Variants in WDR70 observed in about 807,000 individuals in gnomAD.
The protein encoded by WDR70 is WD repeat-containing protein 70.
Under a neutral mutation model 88.6 loss-of-function variants are expected in WDR70, and 53 were observed. That is an observed-to-expected ratio of 0.60 (90% CI 0.48 to 0.75). The LOEUF (loss-of-function observed/expected upper bound fraction) is 0.75. Among genes scored for constraint, WDR70 ranks in the 30% least tolerant of loss-of-function variants. The pLI, the probability that WDR70 is intolerant of heterozygous loss-of-function variation, is 0.00. For missense variants in WDR70, 610 were observed against 823.2 expected (o/e 0.74, Z 3.17); for synonymous variants, 280 against 270.0 (o/e 1.04, Z -0.36).
intron 9 of WDR70, among the ~76,000 whole-genome samples, chr5:37,551,334 A>G (rs964779838): frequency 6.6e-6 from 1 of 151,520 alleles, no homozygotes; most frequent in African/African-American, 2.4e-5. Context: ...AATTACAACA[A>G]CAAAAAAAAC....
At chr5:37,527,187 C>T (rs1741307231) in intron 9 of WDR70, among the ~76,000 whole-genome samples, 1 of 152,118 alleles carries the variant, frequency 6.6e-6, no homozygotes, top group South Asian at 2.1e-4. Flanking sequence ...TAATCCTAAG[C>T]CAAAAGTACA....
intron 13 of WDR70, among the ~76,000 whole-genome samples, chr5:37,708,114 A>G (rs1747411484): frequency 6.7e-6 from 1 of 150,024 alleles, no homozygotes; most frequent in Non-Finnish European, 1.5e-5. Context: ...TTTTTTAAAT[A>G]GTAAAGAACA....
chr5:37,642,263 C>G (rs1231036634), intron 10 of WDR70, among the ~76,000 whole-genome samples: 2 of 152,114 alleles, frequency 1.3e-5, no homozygotes, highest in Non-Finnish European at 2.9e-5. Flanking sequence ...TTTTTTCTTT[C>G]CAAATGCTTA....
At chr5:37,734,877 C>T (rs932106991) in intron 17 of WDR70, among the ~76,000 whole-genome samples, 6 of 152,058 alleles carry the variant, frequency 3.9e-5, no homozygotes, top group East Asian at 3.9e-4. Flanking sequence ...TTCCTAACAC[C>T]GAGCCATCCT....
intron 9 of WDR70, among the ~76,000 whole-genome samples, chr5:37,573,691 TTCCAAAATGAGTTAGTTG>T (rs1742977560): frequency 6.6e-6 from 1 of 152,028 alleles, no homozygotes; most frequent in Non-Finnish European, 1.5e-5. Context: ...ACAGCAAAAG[TTCCAAAATGAGTTAGTTG>T]TCTGTAGTCT....
intron 5 of WDR70, among the ~76,000 whole-genome samples, chr5:37,417,172 A>G (rs1000516100): frequency 3.3e-5 from 5 of 152,174 alleles, no homozygotes; most frequent in Non-Finnish European, 5.9e-5. Context: ...AGTGACAAAT[A>G]TGGGGGTACT....
chr5:37,649,730 C>CTTA (rs551468211), intron 10 of WDR70, among the ~76,000 whole-genome samples: 1 of 48,848 alleles, frequency 2.0e-5, no homozygotes, highest in Non-Finnish European at 4.1e-5. Flanking sequence ...GATGTTATTA[C>CTTA]TTCTTTTTTT....
intron 8 of WDR70, among the ~76,000 whole-genome samples, chr5:37,484,569 G>GGGGAGA (rs879216061): frequency 1.6e-4 from 25 of 152,120 alleles, no homozygotes; most frequent in Non-Finnish European, 2.2e-4. Context: ...GGGAGACCGT[G>GGGGAGA]GGGAGAGGGA....
chr5:37,722,956 C>T, intron 15 of WDR70, 22 bp downstream of exon 15: 2 of 1,611,654 alleles, frequency 1.2e-6, no homozygotes, highest in Non-Finnish European at 1.7e-6. Context: ...ACATGCCTCT[C>T]AATCATGCAT....
chr5:37,443,004 T>C lies in WDR70; in HGVS notation c.553-235T>C, dbSNP rs1202344024. On this transcript the variant is annotated intron_variant, in intron 6 of 17. Transcript: ENST00000265107. ...ACATGGTTGATGATTTGGGACAAAA[T>C]TGTCAAATAGATTTAAAGTATTTTT... 3.3e-5 allele frequency among the ~76,000 whole-genome samples: 5 copies of C among 152,190 alleles called. No individual in the cohort carries two copies. The East Asian group carries it at 9.6e-4, about 29-fold the overall frequency.
At chr5:37,598,088 C>A (rs916137372) in intron 9 of WDR70, among the ~76,000 whole-genome samples, 1 of 152,050 alleles carries the variant, frequency 6.6e-6, no homozygotes, top group Non-Finnish European at 1.5e-5. Context: ...TACAGCCTTC[C>A]CCCTATTGAA....
chr5:37,441,240 A>G (rs1347180482), intron 6 of WDR70, among the ~76,000 whole-genome samples: 7 of 152,142 alleles, frequency 4.6e-5, no homozygotes, highest in Non-Finnish European at 7.3e-5. Context: ...ACTACTATTC[A>G]TTTATTTTTG....
chr5:37,381,479 T>C, intron 2 of WDR70, 123 bp from the exon 3 acceptor site: 1 of 739,456 alleles, frequency 1.4e-6, no homozygotes, highest in Non-Finnish European at 2.4e-6. Flanking sequence ...TGATATATTA[T>C]GGTTATATTG....
chr5:37,613,617 A>G (rs1222748566), intron 10 of WDR70, among the ~76,000 whole-genome samples: 1 of 152,218 alleles, frequency 6.6e-6, no homozygotes, highest in Non-Finnish European at 1.5e-5. Context: ...TTCCAGGCAA[A>G]GAAAATCTTC....
At chr5:37,535,789 A>G (rs1353830378) in intron 9 of WDR70, among the ~76,000 whole-genome samples, 2 of 152,178 alleles carry the variant, frequency 1.3e-5, no homozygotes, top group African/African-American at 4.8e-5. Flanking sequence ...GATAGGTGGT[A>G]ATGTTATTAC....
intron 9 of WDR70, among the ~76,000 whole-genome samples, chr5:37,581,096 C>A (rs1252713991): frequency 6.6e-6 from 1 of 152,144 alleles, no homozygotes; most frequent in Non-Finnish European, 1.5e-5. Context: ...GCCTCAGGAT[C>A]TCCAAGAGGA....
chr5:37,658,993 A>G (rs1745629597), intron 10 of WDR70, among the ~76,000 whole-genome samples: 1 of 152,176 alleles, frequency 6.6e-6, no homozygotes, highest in African/African-American at 2.4e-5. Context: ...TTAATCCCTG[A>G]TCTCCATACT....
chr5:37,531,974 A>AT lies in WDR70; in HGVS notation c.917+15391dup, dbSNP rs761886913. Among the ~76,000 whole-genome samples the AT allele has an allele frequency of 1.2e-4, 18 of 152,202 alleles. No individual in the cohort carries two copies. In the South Asian group the frequency reaches 1.2e-3, roughly 10 times the overall value. On this transcript the variant is annotated intron_variant, in intron 9 of 17. Coordinates refer to ENST00000265107, the MANE Select transcript of WDR70 (RefSeq NM_018034.4). ...CCTGGTAGTGGCGAATTCTCTCAGC[A>AT]TTTTTTTATCTAGAAAAGACTGTAC...
chr5:37,583,252 C>G (rs563150443), intron 9 of WDR70, among the ~76,000 whole-genome samples: 5 of 152,146 alleles, frequency 3.3e-5, no homozygotes, highest in African/African-American at 1.2e-4. Context: ...CCGTGAAACC[C>G]CTTCTCTACT....
Sources: allele counts gnomAD v4.1 joint callset (sites outside exome capture counted in the v4.1 genomes callset), GRCh38; gene constraint gnomAD v4.1.1; transcripts MANE v1.5; gene names NCBI Gene and HGNC (gene_info 2026-07-23, HGNC 2026-07-21).